GIPC1: variants seen among roughly 807,000 people sequenced by gnomAD.
GIPC1 encodes PDZ domain-containing protein GIPC1.
In GIPC1, 15 loss-of-function variants were observed where a neutral mutation model predicts 28.5. That is an observed-to-expected ratio of 0.53 (90% confidence interval 0.35 to 0.81). The LOEUF is 0.81. Among genes scored for constraint, GIPC1 ranks in the 30% least tolerant of loss-of-function variants. GIPC1 has a pLI of 0.01. For missense variants in GIPC1, 439 were observed against 481.9 expected (o/e 0.91, Z 0.83); for synonymous variants, 224 against 206.1 (o/e 1.09, Z -0.74).
At chr19:14,490,923 C>T (rs1265884609) in intron 3 of GIPC1, among the ~76,000 whole-genome samples, 85 of 144,302 alleles carry the variant, frequency 5.9e-4, no homozygotes, top group Non-Finnish European at 9.4e-4. Flanking sequence ...TGCAGTGAGC[C>T]GAGATCATGC....
chr19:14,478,305 G>T lies in GIPC1; in HGVS notation c.*111C>A. 2 of 1,131,386 alleles carry T rather than the reference G, an allele frequency of 1.8e-6. No homozygotes were observed. The highest frequency in any genetic ancestry group is 2.5e-6 in the Non-Finnish European group (2 of 799,302). The allele number at this position is 1,131,386 out of a possible 1,614,324, so 70.1% of individuals were successfully genotyped here. A position where few individuals can be genotyped will look rare whatever the true frequency, so the allele number is the denominator to read the frequency against. On this transcript the variant is annotated 3_prime_UTR_variant, in exon 9 of 9. Coordinates refer to ENST00000393033, the MANE Select transcript of GIPC1 (RefSeq NM_005716.4). This position sits in a 1 kb window ranked among gnomAD's most constrained non-coding sequence, Gnocchi z 5.2. ...CCCACCTCCCCTCACCATCGTCCTT[G>T]GGCTGCTGAGCTAGGCTCAGGCTGG...
chr19:14,488,965 G>A (rs147864928), intron 3 of GIPC1, among the ~76,000 whole-genome samples: 220 of 151,534 alleles, frequency 1.5e-3, no homozygotes, highest in African/African-American at 4.9e-3. Context: ...TCACTCTGTC[G>A]TCCAGGCTGC....
chr19:14,479,500 C>A lies in GIPC1; in HGVS notation c.680G>T (p.Gly227Val). The change falls in exon 7 of 9, where the codon GGT becomes GTT. Residue 227 changes from glycine to valine, a missense_variant. Coordinates refer to ENST00000393033, the MANE Select transcript of GIPC1 (RefSeq NM_005716.4). The stretch of plus-strand genomic sequence containing the variant: ...TTGTGGGCCAGAGCCAGGGCGGCCA[C>A]CCGCTGAACGCTGGCTGATCATGTC... ...AFDMISQRSAGGRPGSGPQLG... is the reference protein window; with the variant it reads ...AFDMISQRSAVGRPGSGPQLG... The A allele has an allele frequency of 6.9e-7, 1 of 1,443,366 alleles. No individual in the cohort carries two copies. The highest frequency in any genetic ancestry group is 2.3e-4 in the Middle Eastern group (1 of 4,386). The allele number at this position is 1,443,366 out of a possible 1,614,324, so 89.4% of individuals were successfully genotyped here. A position where few individuals can be genotyped will look rare whatever the true frequency, so the allele number is the denominator to read the frequency against.
At position 14,480,426 on chromosome 19, in the gene GIPC1, G is replaced by A. The variant is rs768024211; in HGVS notation, c.534C>T (p.Ile178=). The A allele has an allele frequency of 2.5e-6, 4 of 1,613,698 alleles. No homozygotes were observed. The highest frequency in any genetic ancestry group is 1.3e-5 in the African/African-American group (1 of 74,932). Residue 178 remains isoleucine (I), a synonymous_variant, in exon 6 of 9, where the codon ATC becomes ATT. Coordinates refer to ENST00000393033, the MANE Select transcript of GIPC1 (RefSeq NM_005716.4). The part of the protein sequence containing the change: ...HIHLISVGDM[I]EAINGQSLLG... Reference sequence around the variant, plus strand: ...GCAGGCTCTGCCCGTTAATGGCCTCGATCATGTCGCCCACGCTGATGAGGT... The same window carrying A: ...GCAGGCTCTGCCCGTTAATGGCCTCAATCATGTCGCCCACGCTGATGAGGT...
At chr19:14,484,224 C>T (rs190740539) in intron 3 of GIPC1, among the ~76,000 whole-genome samples, 345 of 150,894 alleles carry the variant, frequency 2.3e-3, no homozygotes, top group African/African-American at 8.1e-3. Context: ...AATCTCTTGC[C>T]TCCCGGGTAC....
chr19:14,493,577 C>T (rs1044220635), intron 1 of GIPC1, among the ~76,000 whole-genome samples: 1 of 152,252 alleles, frequency 6.6e-6, no homozygotes, highest in Non-Finnish European at 1.5e-5. Context: ...TCTGCCCTAG[C>T]CTCCTGAGTA....
At position 14,482,562 on chromosome 19, in the gene GIPC1, C is replaced by T. The variant is rs568200009; in HGVS notation, c.288+127G>A. The T allele has an allele frequency of 4.2e-6, 4 of 942,924 alleles. No homozygotes were observed. The African/African-American group carries it at 4.9e-5, about 11-fold the overall frequency. 58.4% of individuals were successfully genotyped at this position (942,924 alleles called of 1,614,324 possible). A position where few individuals can be genotyped will look rare whatever the true frequency, so the allele number is the denominator to read the frequency against. On this transcript the variant is annotated intron_variant, in intron 4 of 8. Transcript: ENST00000393033. ...ATCCAGCCCAGGCCATTGGCCCCCA[C>T]CACTGAGTGGGGCCCAGGCTCAGCA...
chr19:14,489,891 G>GAA (rs200796134), intron 3 of GIPC1, among the ~76,000 whole-genome samples: 1 of 125,606 alleles, frequency 8.0e-6, no homozygotes. Flanking sequence ...ATGGCAAGGA[G>GAA]AAAAAAAAAA....
intron 4 of GIPC1, chr19:14,482,338 A>G (rs10424042): frequency 0.57 from 203,684 of 358,656 alleles, 58,837 homozygotes; most frequent in East Asian, 0.77. Context: ...ATCCACCCCT[A>G]GTCTTGCACA....
At chr19:14,479,661 G>C in intron 6 of GIPC1, 137 bp from the exon 7 acceptor site, 1 of 485,476 alleles carries the variant, frequency 2.1e-6, no homozygotes, top group Non-Finnish European at 3.6e-6. Context: ...GCTGGGGCCG[G>C]GGTGATCCCA....
chr19:14,478,760 A>G lies in GIPC1; in HGVS notation c.774T>C (p.Ser258=), dbSNP rs533126684. The G allele has an allele frequency of 9.3e-6, 15 of 1,611,208 alleles. No individual in the cohort carries two copies. The African/African-American group carries it at 1.9e-4, about 20-fold the overall frequency. Reference sequence around the variant, plus strand: ...TCTCAATGGCCTTCTCTTCAAAGGCAGAGGGCTGGGGGCCAGGGAGGGGTG... The same window carrying G: ...TCTCAATGGCCTTCTCTTCAAAGGCGGAGGGCTGGGGGCCAGGGAGGGGTG... ...RGPATVEDLP[S]AFEEKAIEKV... is the part of the protein sequence containing the mutation. The change falls in exon 8 of 9, where the codon TCT becomes TCC. Residue 258 remains serine, a synonymous_variant. Transcript: ENST00000393033. This position sits in a 1 kb window ranked among gnomAD's most constrained non-coding sequence, Gnocchi z 5.2.
chr19:14,479,384 G>A lies in GIPC1; in HGVS notation c.768+28C>T, dbSNP rs765767168. On this transcript the variant is annotated intron_variant, in intron 7 of 8. Coordinates refer to ENST00000393033, the MANE Select transcript of GIPC1 (RefSeq NM_005716.4). ...AAAAAAAAGAAAGGGAAGGGATGCC[G>A]GAGATAGGGTCCGGCTGGAGCACTC... is the stretch of plus-strand genomic sequence containing the variant. 72 of 918,480 alleles carry A rather than the reference G, an allele frequency of 7.8e-5. 2 individuals are homozygous for A. The East Asian group carries it at 1.0e-3, about 13-fold the overall frequency. The allele number at this position is 918,480 out of a possible 1,614,324, so 56.9% of individuals were successfully genotyped here.
chr19:14,489,895 A>G (rs2146488222), intron 3 of GIPC1, among the ~76,000 whole-genome samples: 1 of 151,840 alleles, frequency 6.6e-6, no homozygotes, highest in South Asian at 2.1e-4. Flanking sequence ...CAAGGAGAAA[A>G]AAAAAAAAAA....
intron 1 of GIPC1, among the ~76,000 whole-genome samples, chr19:14,494,813 A>G (rs1416342768): frequency 6.6e-6 from 1 of 152,126 alleles, no homozygotes; most frequent in African/African-American, 2.4e-5. Context: ...ACAGAGATGA[A>G]GAGCCACTTC....
chr19:14,489,113 G>A (rs575550695), intron 3 of GIPC1, among the ~76,000 whole-genome samples: 11 of 151,998 alleles, frequency 7.2e-5, no homozygotes, highest in South Asian at 2.1e-4. Context: ...TTGTAGAGAC[G>A]GGTCTCACTA....
chr19:14,484,189 G>T (rs897630883), intron 3 of GIPC1, among the ~76,000 whole-genome samples: 11 of 149,022 alleles, frequency 7.4e-5, no homozygotes, highest in Non-Finnish European at 1.0e-4. Flanking sequence ...GGAGTGCAGT[G>T]GTGCAATCTC....
intron 4 of GIPC1, among the ~76,000 whole-genome samples, chr19:14,481,432 T>A (rs2071726385): frequency 6.6e-6 from 1 of 152,060 alleles, no homozygotes; most frequent in Non-Finnish European, 1.5e-5. Flanking sequence ...TAGCAAAAAT[T>A]CATTGCTGTG....
At position 14,485,702 on chromosome 19, in the gene GIPC1, TAGAGAGAGAGAG is replaced by T. The variant is rs747570310; in HGVS notation, c.-30-2708_-30-2697del. 4.1e-4 allele frequency among the ~76,000 whole-genome samples: 24 copies of T among 58,800 alleles called. 1 individual carries two copies. Among genetic ancestry groups the T allele is most frequent in the Non-Finnish European group, 7.3e-4 (20 of 27,220 alleles). The allele number at this position is 58,800 out of a possible 152,430, so 38.6% of individuals were successfully genotyped here. ...ATAAACAAATATATATATATATATA[TAGAGAGAGAGAG>T]AGAGAGAGAGAGAGAGAGAGAGAGA... is the stretch of plus-strand genomic sequence containing the variant. On this transcript the variant is annotated intron_variant, in intron 3 of 8. Coordinates refer to ENST00000393033, the MANE Select transcript of GIPC1 (RefSeq NM_005716.4).
Position 14,478,901 on chromosome 19 carries a change from G to A in GIPC1, c.769-136C>T. On this transcript the variant is annotated intron_variant, in intron 7 of 8. Coordinates refer to ENST00000393033, the MANE Select transcript of GIPC1 (RefSeq NM_005716.4). The surrounding 1 kb of genome is among the most constrained non-coding windows in gnomAD (Gnocchi z 5.2). ...ACAACCCTGAGAAGGTGGTATCGGT[G>A]TTCAGCTCATCCCCATTTTACTGAT... The A allele has an allele frequency of 1.4e-6, 1 of 735,760 alleles. No individual in the cohort carries two copies. The allele number at this position is 735,760 out of a possible 1,614,324, so 45.6% of individuals were successfully genotyped here.
Sources: allele counts gnomAD v4.1 joint callset (sites outside exome capture counted in the v4.1 genomes callset), GRCh38; gene constraint gnomAD v4.1.1; non-coding constraint Gnocchi (gnomAD v3.1); transcripts MANE v1.5; gene names NCBI Gene and HGNC (gene_info 2026-07-23, HGNC 2026-07-21).